The following GREB1 variants were observed in gnomAD, a reference collection of about 807,000 sequenced individuals.
GREB1 encodes growth regulating estrogen receptor binding 1.
In GREB1, 106 loss-of-function variants were observed where a neutral mutation model predicts 200.7. That is an observed-to-expected ratio of 0.53 (90% CI 0.45 to 0.62). GREB1 has a LOEUF of 0.62. Among genes scored for constraint, GREB1 ranks in the 20% least tolerant of loss-of-function variants. The pLI is 0.00. For synonymous variants in GREB1, 1,132 were observed against 1,092.4 expected (o/e 1.04, Z -0.72); for missense variants, 2,243 against 2,556.8 (o/e 0.88, Z 2.65).
chr2:11,590,416 G>A (rs916718468), intron 10 of GREB1, among the ~76,000 whole-genome samples: 3 of 152,110 alleles, frequency 2.0e-5, no homozygotes, highest in Non-Finnish European at 4.4e-5. Context: ...GGTCCCACCT[G>A]CTTGCTCTGT....
chr2:11,578,740 T>C (rs1679155921), intron 6 of GREB1, among the ~76,000 whole-genome samples: 1 of 152,230 alleles, frequency 6.6e-6, no homozygotes, highest in Non-Finnish European at 1.5e-5. Context: ...TATGTAAAGA[T>C]GCTGAGTCAG....
intron 1 of GREB1, among the ~76,000 whole-genome samples, chr2:11,551,854 T>A (rs1449552397): frequency 6.6e-6 from 1 of 152,238 alleles, no homozygotes; most frequent in Non-Finnish European, 1.5e-5. Flanking sequence ...AGCCCCATTG[T>A]AAACCAAGTT....
chr2:11,633,150 C>A lies in GREB1; in HGVS notation c.4991+87C>A. On this transcript the variant is annotated intron_variant, in intron 28 of 32. Transcript: ENST00000381486. This position sits in a 1 kb window ranked among gnomAD's most constrained non-coding sequence, Gnocchi z 4.1. ...CTCTTTGTATGGGGAATGTGCCCACCCCTGGAAGACCGGAGGGCCTCTCAT... is the reference window on the plus strand; with the variant it reads ...CTCTTTGTATGGGGAATGTGCCCACACCTGGAAGACCGGAGGGCCTCTCAT... 1 of 1,306,600 alleles carries A rather than the reference C, an allele frequency of 7.7e-7. No homozygotes were observed. 80.9% of individuals were successfully genotyped at this position (1,306,600 alleles called of 1,614,324 possible).
At chr2:11,546,041 G>T (rs1172701088) in intron 1 of GREB1, among the ~76,000 whole-genome samples, 1 of 152,158 alleles carries the variant, frequency 6.6e-6, no homozygotes, top group Admixed American at 6.5e-5. Context: ...GCCGGGCATA[G>T]TGGTGCACGT....
chr2:11,599,295 G>A (rs1681544173), intron 15 of GREB1, among the ~76,000 whole-genome samples: 1 of 151,502 alleles, frequency 6.6e-6, no homozygotes, highest in Admixed American at 6.6e-5. Context: ...CTCCGTGGGG[G>A]CTCTGGTACC....
intron 13 of GREB1, among the ~76,000 whole-genome samples, chr2:11,596,683 T>TA (rs1681271471): frequency 2.7e-5 from 1 of 36,452 alleles, no homozygotes; most frequent in Non-Finnish European, 5.0e-5. Context: ...GTGTGTACAG[T>TA]GAGGGGGTGG....
At chr2:11,543,973 A>G (rs1182075505) in intron 1 of GREB1, among the ~76,000 whole-genome samples, 1 of 152,136 alleles carries the variant, frequency 6.6e-6, no homozygotes, top group Non-Finnish European at 1.5e-5. Flanking sequence ...TCTGAGCAAA[A>G]TGATGAGTGT....
At position 11,578,369 on chromosome 2, in the gene GREB1, C is replaced by T. The variant is rs1188798563; in HGVS notation, c.710C>T (p.Ala237Val). 1.2e-6 allele frequency: 2 copies of T among 1,614,078 alleles called. No homozygotes were observed. The highest frequency in any genetic ancestry group is 1.7e-5 in the Admixed American group (1 of 60,016). The change falls in exon 6 of 33, where the codon GCC becomes GTC. Residue 237 changes from alanine (A) to valine (V), a missense_variant. Ala to Val is a moderately conservative substitution (Grantham distance 64). This residue lies in a region of GREB1 where 1,178 missense variants were observed against 1,387.4 expected (regional missense o/e 0.85). Coordinates refer to ENST00000381486, the MANE Select transcript of GREB1 (RefSeq NM_014668.4). ...TTCCCAGCCCTGGAGAGCACGGCTG[C>T]CTTCCCCAGCGAGCCCGTTCCTGGG... ...SLFPALESTA[A>V]FPSEPVPGTN...
chr2:11,593,782 T>G (rs1349522653), intron 11 of GREB1, among the ~76,000 whole-genome samples: 1 of 151,916 alleles, frequency 6.6e-6, no homozygotes, highest in Non-Finnish European at 1.5e-5. Context: ...TGATTTAATT[T>G]TAAAAACACC....
chr2:11,501,905 G>GTTTTTTTTT (rs1204074491), intron 1 of GREB1, among the ~76,000 whole-genome samples: 5 of 61,598 alleles, frequency 8.1e-5, no homozygotes, highest in African/African-American at 1.5e-4. Flanking sequence ...GTTTTTTTTT[G>GTTTTTTTTT]TTTTTTTTTT....
intron 6 of GREB1, among the ~76,000 whole-genome samples, chr2:11,579,936 C>T (rs1679292153): frequency 6.6e-6 from 1 of 152,150 alleles, no homozygotes; most frequent in Admixed American, 6.5e-5. Flanking sequence ...AAGACATTCC[C>T]AAGACTGAGT....
At position 11,585,717 on chromosome 2, in the gene GREB1, G is replaced by C. The variant is rs761442811; in HGVS notation, c.1016-45G>C. ...CCTGATGTCAGGTATGTGAGAGGTG[G>C]ATGCCTTGTCTGATGTTTTCACTAA... is the stretch of plus-strand genomic sequence containing the variant. On this transcript the variant is annotated intron_variant, in intron 8 of 32. Transcript: ENST00000381486. 4.4e-6 allele frequency: 7 copies of C among 1,608,806 alleles called. No individual in the cohort carries two copies. The Admixed American group carries it at 1.2e-4, about 27-fold the overall frequency.
chr2:11,630,697 T>G (rs1311331280), intron 26 of GREB1, among the ~76,000 whole-genome samples: 1 of 152,234 alleles, frequency 6.6e-6, no homozygotes, highest in African/African-American at 2.4e-5. Context: ...TTTATACCTA[T>G]AGATATAGAT....
At chr2:11,495,100 A>G (rs989904087) in intron 1 of GREB1, among the ~76,000 whole-genome samples, 2 of 152,148 alleles carry the variant, frequency 1.3e-5, no homozygotes, top group African/African-American at 2.4e-5. Context: ...CTGGGGAATC[A>G]GGCCTGTTAC....
In GREB1 at chr2:11,492,495, A is replaced by C. The variant is rs1672793937; in HGVS notation, c.-159+10114A>C. ...GTCTGTGATCTGGAGCCGGCTTTGC[A>C]TGGCAGAGGCTCATTCTCTGCTGTG... On this transcript the variant is annotated intron_variant, in intron 1 of 2. Transcript: ENST00000628795. This position sits in a 1 kb window ranked among gnomAD's most constrained non-coding sequence, Gnocchi z 4.0. 6.6e-6 allele frequency among the ~76,000 whole-genome samples: 1 copy of C among 152,064 alleles called. No individual in the cohort carries two copies. Among genetic ancestry groups the C allele is most frequent in the Non-Finnish European group, 1.5e-5 (1 of 68,014 alleles).
Position 11,629,906 on chromosome 2 carries a change from C to G in GREB1, c.4450-42C>G. 6.2e-7 allele frequency: 1 copy of G among 1,601,150 alleles called. No individual in the cohort carries two copies. The highest frequency in any genetic ancestry group is 2.2e-5 in the East Asian group (1 of 44,676). On this transcript the variant is annotated intron_variant, in intron 25 of 32. Transcript: ENST00000381486. This position sits in a 1 kb window ranked among gnomAD's most constrained non-coding sequence, Gnocchi z 5.2. ...GCCTGGGGTCTTCTGGGAAGCAGGCCGGACTCTGACGGCAAGCTCTGTCCT... is the reference window on the plus strand; with the variant it reads ...GCCTGGGGTCTTCTGGGAAGCAGGCGGGACTCTGACGGCAAGCTCTGTCCT...
chr2:11,532,207 G>A (rs895150242), upstream of GREB1, among the ~76,000 whole-genome samples: 1 of 152,110 alleles, frequency 6.6e-6, no homozygotes, highest in Non-Finnish European at 1.5e-5. Flanking sequence ...ATCAACCCGC[G>A]TATAGGAGCC....
In GREB1 at chr2:11,634,219, C is replaced by G. The variant is rs1296910248; in HGVS notation, c.5080C>G (p.Leu1694Val). 21 of 1,614,102 alleles carry G rather than the reference C, an allele frequency of 1.3e-5. No individual in the cohort carries two copies. The highest frequency in any genetic ancestry group is 1.7e-5 in the Non-Finnish European group (20 of 1,180,030). ...AAPDIMHYALLGLRKWSSKTR... is the reference protein window; with the variant it reads ...AAPDIMHYALVGLRKWSSKTR... Reference sequence around the variant, plus strand: ...CCCCGACATCATGCACTACGCCCTGCTGGGCCTGCGGAAGTGGTCCAGCAA... The same window carrying G: ...CCCCGACATCATGCACTACGCCCTGGTGGGCCTGCGGAAGTGGTCCAGCAA... The change falls in exon 29 of 33, where the codon CTG becomes GTG. Residue 1694 changes from leucine (L) to valine (V), a missense_variant. This residue lies in a region of GREB1 where 478 missense variants were observed against 616.3 expected (regional missense o/e 0.78). Transcript: ENST00000381486.
In GREB1 at chr2:11,634,272, C is replaced by A; in HGVS notation, c.5133C>A (p.Pro1711=). 6.2e-7 allele frequency: 1 copy of A among 1,614,198 alleles called. No homozygotes were observed. ...SKTRASEVQE[P]FSRCHVHNFI... ...CCCGGGCCAGCGAGGTGCAAGAGCC[C>A]TTCTCCCGCTGCCACGTGCACAACT... is the stretch of plus-strand genomic sequence containing the variant. Residue 1711 remains proline, a synonymous_variant, in exon 29 of 33, where the codon CCC becomes CCA. Transcript: ENST00000381486.
Sources: gnomAD v4.1 joint callset for allele counts (sites outside exome capture counted in the v4.1 genomes callset) on GRCh38, gnomAD v4.1.1 for gene constraint, gnomAD v4.1.1 regional missense constraint, Gnocchi (gnomAD v3.1) non-coding constraint, MANE v1.5 for transcripts, NCBI Gene and HGNC (gene_info 2026-07-23, HGNC 2026-07-21) for gene names.